The following ENTPD3 variants were observed in gnomAD, a reference collection of about 807,000 sequenced individuals.
The protein encoded by ENTPD3 is CD39 antigen-like 3.
A neutral mutation model predicts 51.2 loss-of-function variants in ENTPD3; 60 were observed. That is an observed-to-expected ratio of 1.17 (90% confidence interval 0.95 to 1.45). The LOEUF is 1.45. Among genes scored for constraint, ENTPD3 ranks in the 40% most tolerant of loss-of-function variants. The probability of loss-of-function intolerance (pLI) is 0.00; values close to 1 mark genes in which losing one functional copy is unlikely to be tolerated. For synonymous variants in ENTPD3, 221 were observed against 238.4 expected (o/e 0.93, Z 0.67); for missense variants, 593 against 641.1 (o/e 0.93, Z 0.81).
At chr3:40,397,880 T>C (rs1405902664) in intron 3 of ENTPD3, among the ~76,000 whole-genome samples, 1 of 152,206 alleles carries the variant, frequency 6.6e-6, no homozygotes, top group Non-Finnish European at 1.5e-5. Context: ...TGGTTTTTTC[T>C]GACACTGCAT....
chr3:40,426,110 T>TC (rs1159313592), intron 10 of ENTPD3, among the ~76,000 whole-genome samples: 4 of 142,440 alleles, frequency 2.8e-5, no homozygotes, highest in Non-Finnish European at 4.6e-5. Flanking sequence ...TTCTTTTCTT[T>TC]TTTTTTTTTT....
intron 10 of ENTPD3, among the ~76,000 whole-genome samples, chr3:40,426,801 G>GA (rs533991838): frequency 1.7e-4 from 26 of 152,250 alleles, no homozygotes; most frequent in African/African-American, 5.8e-4. Flanking sequence ...TTGCAAAGGT[G>GA]AAACATTTAT....
Position 40,414,799 on chromosome 3 carries a change from G to A in ENTPD3, c.556G>A (p.Gly186Arg). The stretch of plus-strand genomic sequence containing the variant: ...TTCTGGGCAAGAAGAAGGGGTATAT[G>A]GATGGATTACAGCCAACTATTTAAT... ...IISGQEEGVY[G>R]WITANYLMGN... The change falls in exon 6 of 11, where the codon GGA (glycine) becomes AGA (arginine). Residue 186 changes from glycine (G) to arginine (R), a missense_variant. Coordinates refer to ENST00000301825, the MANE Select transcript of ENTPD3 (RefSeq NM_001248.4). 6.2e-7 allele frequency: 1 copy of A among 1,613,996 alleles called. No individual in the cohort carries two copies. Among genetic ancestry groups the A allele is most frequent in the African/African-American group, 1.3e-5 (1 of 75,004 alleles).
At chr3:40,419,664 C>T (rs1231418546) in intron 7 of ENTPD3, among the ~76,000 whole-genome samples, 1 of 152,112 alleles carries the variant, frequency 6.6e-6, no homozygotes, top group Middle Eastern at 3.2e-3. Context: ...TTATTTAATT[C>T]TTGGCTTGTA....
chr3:40,423,781 A>C (rs1421300113), intron 9 of ENTPD3, 45 bp from the exon 10 acceptor site: 1 of 1,602,398 alleles, frequency 6.2e-7, no homozygotes, highest in African/African-American at 1.3e-5. Flanking sequence ...TTCATTTTAA[A>C]ACATACCTGC....
In ENTPD3 at chr3:40,398,859, T is replaced by C. The variant is rs79959964; in HGVS notation, c.169-2035T>C. ...CCTAAAAGTGAATACAATGAATGTA[T>C]GAAAATGGTGATATCAATCTGTTTC... On this transcript the variant is annotated intron_variant, in intron 3 of 10. Transcript: ENST00000301825. Among the ~76,000 whole-genome samples, 1,112 of 152,284 alleles carry C rather than the reference T, an allele frequency of 7.3e-3. 8 individuals carry two copies. The highest frequency in any genetic ancestry group is 0.016 in the African/African-American group (668 of 41,540).
Position 40,422,325 on chromosome 3 carries a change from C to CT in ENTPD3, c.832-509dup, listed in dbSNP as rs5848565. Among the ~76,000 whole-genome samples, 473 of 136,674 alleles carry CT rather than the reference C, an allele frequency of 3.5e-3. 1 individual carries two copies. The highest frequency in any genetic ancestry group is 0.012 in the African/African-American group (449 of 37,080). The allele number at this position is 136,674 out of a possible 152,430, so 89.7% of individuals were successfully genotyped here. A position where few individuals can be genotyped will look rare whatever the true frequency, so the allele number is the denominator to read the frequency against. On this transcript the variant is annotated intron_variant, in intron 7 of 10. Coordinates refer to ENST00000301825, the MANE Select transcript of ENTPD3 (RefSeq NM_001248.4). The stretch of plus-strand genomic sequence containing the variant: ...AAAAAGTGGTTTCTAATACCTTACT[C>CT]TTTTTTTTTTTTTTTTACTTAGAGA...
Position 40,416,065 on chromosome 3 carries a change from C to T in ENTPD3, c.823C>T (p.Leu275Phe). ...GGCTGAGAAGAAGTTTCTGGCAATG[C>T]TCCTGCAGGTACTTGAGTCGGGGGT... ...NEAEKKFLAM[L>F]LQNSPTKNHL... The change falls in exon 7 of 11, where the codon CTC (leucine) becomes TTC (phenylalanine). Residue 275 changes from leucine to phenylalanine, a missense_variant. Coordinates refer to ENST00000301825, the MANE Select transcript of ENTPD3 (RefSeq NM_001248.4). 6.2e-7 allele frequency: 1 copy of T among 1,613,464 alleles called. No individual in the cohort carries two copies. The highest frequency in any genetic ancestry group is 8.5e-7 in the Non-Finnish European group (1 of 1,179,604).
chr3:40,415,204 G>T (rs758860100), intron 6 of ENTPD3, among the ~76,000 whole-genome samples: 2 of 152,016 alleles, frequency 1.3e-5, no homozygotes, highest in Non-Finnish European at 2.9e-5. Flanking sequence ...AAGCCCTCAG[G>T]AAGTCTGTAT....
intron 7 of ENTPD3, among the ~76,000 whole-genome samples, chr3:40,417,806 C>G (rs902194244): frequency 6.6e-6 from 1 of 152,128 alleles, no homozygotes; most frequent in African/African-American, 2.4e-5. Flanking sequence ...CTCCTTTTAC[C>G]TCTAGCAATG....
Position 40,415,887 on chromosome 3 carries a change from G to T in ENTPD3, c.645G>T (p.Thr215=). 2 of 1,614,070 alleles carry T rather than the reference G, an allele frequency of 1.2e-6. No individual in the cohort carries two copies. Among genetic ancestry groups the T allele is most frequent in the Non-Finnish European group, 8.5e-7 (1 of 1,179,994 alleles). ...TGCACCCGCATGGAGTGGAAACCACGGGTGCCCTGGACTTAGGTGGTGCCT... is the reference window on the plus strand; with the variant it reads ...TGCACCCGCATGGAGTGGAAACCACTGGTGCCCTGGACTTAGGTGGTGCCT... ...MWVHPHGVET[T]GALDLGGAST... The change falls in exon 7 of 11, where the codon ACG becomes ACT. Residue 215 remains threonine, a synonymous_variant. Coordinates refer to ENST00000301825, the MANE Select transcript of ENTPD3 (RefSeq NM_001248.4).
At chr3:40,407,000 A>G (rs772357997) in intron 4 of ENTPD3, among the ~76,000 whole-genome samples, 1 of 152,174 alleles carries the variant, frequency 6.6e-6, no homozygotes, top group Non-Finnish European at 1.5e-5. Flanking sequence ...ACATGATTTT[A>G]TGATGGACTT....
In ENTPD3 at chr3:40,400,478, C is replaced by A. The variant is rs1243107979; in HGVS notation, c.169-416C>A. ...GAGGTCTGAATGAGGAAGAATCAGGCAACTCAATTGTATGCAAGATCCATC... is the reference window on the plus strand; with the variant it reads ...GAGGTCTGAATGAGGAAGAATCAGGAAACTCAATTGTATGCAAGATCCATC... On this transcript the variant is annotated intron_variant, in intron 3 of 10. Coordinates refer to ENST00000301825, the MANE Select transcript of ENTPD3 (RefSeq NM_001248.4). Among the ~76,000 whole-genome samples the A allele has an allele frequency of 3.3e-5, 5 of 152,062 alleles. 1 individual carries two copies. Among genetic ancestry groups the A allele is most frequent in the African/African-American group, 1.2e-4 (5 of 41,374 alleles).
intron 3 of ENTPD3, among the ~76,000 whole-genome samples, chr3:40,397,139 T>TTTC (rs1553642641): frequency 6.9e-6 from 1 of 145,806 alleles, no homozygotes; most frequent in Non-Finnish European, 1.5e-5. Flanking sequence ...TTTTTTTTTT[T>TTTC]CAGAAAGCCT....
chr3:40,427,234 C>T (rs1207609849), intron 10 of ENTPD3, 38 bp from the exon 11 acceptor site: 3 of 1,527,360 alleles, frequency 2.0e-6, no homozygotes, highest in South Asian at 1.1e-5. Flanking sequence ...AGCCTTGAGC[C>T]TTGCCCTGAG....
intron 4 of ENTPD3, among the ~76,000 whole-genome samples, chr3:40,407,868 CAT>C (rs1955540445): frequency 6.6e-6 from 1 of 152,156 alleles, no homozygotes; most frequent in Non-Finnish European, 1.5e-5. Flanking sequence ...GTCAGACAGA[CAT>C]GATATGCCCC....
intron 10 of ENTPD3, 151 bp downstream of exon 10, chr3:40,424,114 A>C (rs1955938143): frequency 6.8e-7 from 1 of 1,470,106 alleles, no homozygotes; most frequent in Admixed American, 2.5e-5. Flanking sequence ...GTTTCCCAGA[A>C]GAGGTCATGG....
At chr3:40,422,508 T>TC (rs1575233735) in intron 7 of ENTPD3, among the ~76,000 whole-genome samples, 1 of 99,316 alleles carries the variant, frequency 1.0e-5, no homozygotes, top group Non-Finnish European at 2.1e-5. Context: ...CCTTCCCCCC[T>TC]CCCCCCACCC....
rs1955949957 is a variant in ENTPD3, at chr3:40,424,698, G to C, written c.1353+735G>C. 7.1e-6 allele frequency: 5 copies of C among 700,442 alleles called. No homozygotes were observed. The East Asian group carries it at 1.3e-4, about 19-fold the overall frequency. 43.4% of individuals were successfully genotyped at this position (700,442 alleles called of 1,614,324 possible). Reference sequence around the variant, plus strand: ...ACCTCCATACCTTGTTTTTAGGCAGGGCTAAGCCTTGTGAATATGTTCAGC... The same window carrying C: ...ACCTCCATACCTTGTTTTTAGGCAGCGCTAAGCCTTGTGAATATGTTCAGC... On this transcript the variant is annotated intron_variant, in intron 10 of 10. Transcript: ENST00000301825.
Sources: allele counts gnomAD v4.1 joint callset (sites outside exome capture counted in the v4.1 genomes callset), GRCh38; gene constraint gnomAD v4.1.1; transcripts MANE v1.5; gene names NCBI Gene and HGNC (gene_info 2026-07-23, HGNC 2026-07-21).